Variants in PAX7 observed in about 807,000 individuals in gnomAD.
PAX7 encodes paired box 7, also known as paired box protein Pax-7.
In PAX7, 18 loss-of-function variants were observed where a neutral mutation model predicts 50.7. That is an observed-to-expected ratio of 0.36 (90% CI 0.25 to 0.53). The LOEUF (loss-of-function observed/expected upper bound fraction) is 0.53, where lower values mean the gene tolerates loss of function less well. PAX7 is among the 20% of genes least tolerant of loss of function. PAX7 has a pLI of 0.93. For synonymous variants in PAX7, 310 were observed against 290.4 expected, an observed-to-expected ratio of 1.07 and a Z score of -0.69; for missense variants, 644 against 702.9, an observed-to-expected ratio of 0.92 and a Z score of 0.95.
intron 8 of PAX7, chr1:18,736,130 C>G: frequency 1.5e-6 from 1 of 653,966 alleles, no homozygotes; most frequent in Non-Finnish European, 2.7e-6. Context: ...ATACACAACA[C>G]AAATATCACT....
At chr1:18,698,101 G>T (rs1056954812) in intron 5 of PAX7, among the ~76,000 whole-genome samples, 13 of 152,122 alleles carry the variant, frequency 8.5e-5, no homozygotes, top group African/African-American at 3.1e-4. Context: ...AGGACCTGCT[G>T]CTACATGACA....
intron 7 of PAX7, among the ~76,000 whole-genome samples, chr1:18,705,717 A>G (rs2089274277): frequency 6.6e-6 from 1 of 152,206 alleles, no homozygotes; most frequent in South Asian, 2.1e-4. Flanking sequence ...CCCCATGGCA[A>G]GGAGACTTCA....
At chr1:18,698,193 T>C (rs2089173386) in intron 5 of PAX7, among the ~76,000 whole-genome samples, 1 of 151,964 alleles carries the variant, frequency 6.6e-6, no homozygotes, top group Non-Finnish European at 1.5e-5. Flanking sequence ...ATCTATATTG[T>C]TATTTACTTT....
chr1:18,689,588 A>C (rs1570174521), intron 4 of PAX7, among the ~76,000 whole-genome samples: 1 of 152,196 alleles, frequency 6.6e-6, no homozygotes, highest in Non-Finnish European at 1.5e-5. Flanking sequence ...CTGGCCAAAA[A>C]AAAAGCAAGG....
At chr1:18,723,051 C>T (rs2089514027) in intron 7 of PAX7, among the ~76,000 whole-genome samples, 1 of 152,186 alleles carries the variant, frequency 6.6e-6, no homozygotes, top group Non-Finnish European at 1.5e-5. Flanking sequence ...TTGGACAAAA[C>T]CAAGACAACA....
chr1:18,631,588 C>T lies in PAX7; in HGVS notation c.-16C>T. On this transcript the variant is annotated 5_prime_UTR_variant, in exon 1 of 9. Transcript: ENST00000420770. Reference sequence around the variant, plus strand: ...GATTTTTGCCGACTTTGGATTCGTCCCCGGCGTGCGCAAGAATGGCGGCCC... The same window carrying T: ...GATTTTTGCCGACTTTGGATTCGTCTCCGGCGTGCGCAAGAATGGCGGCCC... 6.2e-7 allele frequency: 1 copy of T among 1,609,090 alleles called. No individual in the cohort carries two copies.
chr1:18,653,184 T>C (rs879628509), intron 4 of PAX7, among the ~76,000 whole-genome samples: 6 of 131,406 alleles, frequency 4.6e-5, no homozygotes, highest in Admixed American at 2.2e-4. Context: ...CTGGGTTTTT[T>C]TCATTTTTTT....
At chr1:18,699,394 A>G (rs1352125693) in intron 5 of PAX7, among the ~76,000 whole-genome samples, 3 of 152,082 alleles carry the variant, frequency 2.0e-5, no homozygotes, top group Non-Finnish European at 4.4e-5. Context: ...AAGGCCAAAG[A>G]GCCAGCTGCA....
intron 4 of PAX7, among the ~76,000 whole-genome samples, chr1:18,685,516 C>T (rs1181915471): frequency 6.6e-6 from 1 of 152,218 alleles, no homozygotes; most frequent in Non-Finnish European, 1.5e-5. Flanking sequence ...GAACTGAAAT[C>T]ACCTTGGATG....
chr1:18,651,303 G>A (rs759044286), intron 4 of PAX7, among the ~76,000 whole-genome samples: 30 of 152,144 alleles, frequency 2.0e-4, no homozygotes, highest in African/African-American at 7.2e-4. Flanking sequence ...AAAGCGCATT[G>A]TCTCATCGGT....
intron 4 of PAX7, among the ~76,000 whole-genome samples, chr1:18,676,804 G>C (rs2743215): frequency 0.35 from 52,979 of 151,940 alleles, 9,853 homozygotes; most frequent in African/African-American, 0.44. Flanking sequence ...AGCCAGCCCC[G>C]CTGTATGCCT....
At chr1:18,692,005 A>T in intron 5 of PAX7, 52 bp downstream of exon 5, 1 of 1,556,260 alleles carries the variant, frequency 6.4e-7, no homozygotes, top group Non-Finnish European at 8.7e-7. Context: ...AGAGATTCAG[A>T]AGTTTGGGAT....
rs1173723886 is a variant in PAX7 at position 18,735,518 on chromosome 1, A to G, written c.1156-114A>G. On this transcript the variant is annotated intron_variant, in intron 7 of 8. Transcript: ENST00000420770. The surrounding 1 kb of genome is among the most constrained non-coding windows in gnomAD (Gnocchi z 4.0). ...AGGACCTCGAAGCTACAGAGACTTCAAGGGAACAACTCTGGCAAAGAGTGT... is the reference window on the plus strand; with the variant it reads ...AGGACCTCGAAGCTACAGAGACTTCGAGGGAACAACTCTGGCAAAGAGTGT... 1 of 1,506,900 alleles carries G rather than the reference A, an allele frequency of 6.6e-7. No individual in the cohort carries two copies. The highest frequency in any genetic ancestry group is 8.9e-7 in the Non-Finnish European group (1 of 1,125,038). 93.3% of individuals were successfully genotyped at this position (1,506,900 alleles called of 1,614,324 possible). A position where few individuals can be genotyped will look rare whatever the true frequency, so the allele number is the denominator to read the frequency against.
chr1:18,664,587 C>T (rs1242971066), intron 4 of PAX7, among the ~76,000 whole-genome samples: 2 of 152,188 alleles, frequency 1.3e-5, no homozygotes, highest in East Asian at 3.9e-4. Context: ...ATGAACTAGC[C>T]TTGTCATCCC....
At chr1:18,667,874 C>A (rs1457734976) in intron 4 of PAX7, among the ~76,000 whole-genome samples, 1 of 152,122 alleles carries the variant, frequency 6.6e-6, no homozygotes, top group Non-Finnish European at 1.5e-5. Flanking sequence ...AGGACACATG[C>A]CCTCTCCCCA....
At chr1:18,660,902 G>A (rs901737683) in intron 4 of PAX7, among the ~76,000 whole-genome samples, 3 of 152,168 alleles carry the variant, frequency 2.0e-5, no homozygotes, top group East Asian at 1.9e-4. Context: ...CTTGACCCTC[G>A]GTTTTCTTGG....
At position 18,735,078 on chromosome 1, in the gene PAX7, G is replaced by T. The variant is rs1352539041; in HGVS notation, c.1156-554G>T. On this transcript the variant is annotated intron_variant, in intron 7 of 8. Transcript: ENST00000420770. This position sits in a 1 kb window ranked among gnomAD's most constrained non-coding sequence, Gnocchi z 4.0. ...GAGGCTCTTTGAAAGCATTGGCTGT[G>T]GGCTTCAGTGTCGAAGGGGCAGGAA... is the stretch of plus-strand genomic sequence containing the variant. Among the ~76,000 whole-genome samples, 1 of 152,208 alleles carries T rather than the reference G, an allele frequency of 6.6e-6. No individual in the cohort carries two copies. The highest frequency in any genetic ancestry group is 1.5e-5 in the Non-Finnish European group (1 of 68,048).
rs1221799163 is a variant in PAX7, at chr1:18,632,640, C to A, written c.85+952C>A. On this transcript the variant is annotated intron_variant, in intron 1 of 8. Coordinates refer to ENST00000420770, the MANE Select transcript of PAX7 (RefSeq NM_001135254.2). The surrounding 1 kb of genome is among the most constrained non-coding windows in gnomAD (Gnocchi z 6.3). ...ACAGAGAAGTCATTAGAAATATGTG[C>A]GACTTTTTTTTTTTAAATTACTCTT... 2.4e-5 allele frequency among the ~76,000 whole-genome samples: 3 copies of A among 123,056 alleles called. No individual in the cohort carries two copies. The highest frequency in any genetic ancestry group is 2.5e-4 in the South Asian group (1 of 4,020). The allele number at this position is 123,056 out of a possible 152,430, so 80.7% of individuals were successfully genotyped here. A position where few individuals can be genotyped will look rare whatever the true frequency, so the allele number is the denominator to read the frequency against.
intron 4 of PAX7, among the ~76,000 whole-genome samples, chr1:18,639,900 G>T (rs988767765): frequency 3.4e-5 from 5 of 148,226 alleles, no homozygotes; most frequent in Middle Eastern, 6.8e-3. Flanking sequence ...GGCCAATGAG[G>T]TTACAATTAA....
Sources: allele counts gnomAD v4.1 joint callset (sites outside exome capture counted in the v4.1 genomes callset), GRCh38; gene constraint gnomAD v4.1.1; non-coding constraint Gnocchi (gnomAD v3.1); transcripts MANE v1.5; gene names NCBI Gene and HGNC (gene_info 2026-07-23, HGNC 2026-07-21).